Variants in STON2 observed in about 807,000 individuals in gnomAD.
The protein encoded by STON2 is stonin-2.
Under a neutral mutation model 65.7 loss-of-function variants are expected in STON2, and 29 were observed. That is an observed-to-expected ratio of 0.44 (90% CI 0.33 to 0.60). STON2 has a LOEUF of 0.60. Among genes scored for constraint, STON2 ranks in the 20% least tolerant of loss-of-function variants. The pLI is 0.03. For synonymous variants in STON2, 404 were observed against 414.2 expected (o/e 0.98, Z 0.30); for missense variants, 1,054 against 1,118.1 (o/e 0.94, Z 0.82).
chr14:81,334,133 A>C (rs1897296457), intron 4 of STON2, among the ~76,000 whole-genome samples: 1 of 152,248 alleles, frequency 6.6e-6, no homozygotes, highest in African/African-American at 2.4e-5. Flanking sequence ...CTGAAAGGCC[A>C]GGTAAGATTT....
At chr14:81,282,839 G>A (rs1264381635) in intron 5 of STON2, among the ~76,000 whole-genome samples, 1 of 152,170 alleles carries the variant, frequency 6.6e-6, no homozygotes, top group Non-Finnish European at 1.5e-5. Flanking sequence ...AGACAATTAT[G>A]ACTGGTGTGG....
rs1894129567 is a variant in STON2 at position 81,261,230 on chromosome 14, TTGC to T, written c.*7181_*7183del. The stretch of plus-strand genomic sequence containing the variant: ...ATGCTCTGGTAGAATACCACTGGGG[TTGC>T]TGATCCAAAGCACATGGAGGCGCAA... On this transcript the variant is annotated 3_prime_UTR_variant, in exon 8 of 8. Coordinates refer to ENST00000614646, the MANE Select transcript of STON2 (RefSeq NM_001394390.1). 1 of 152,162 alleles carries T rather than the reference TTGC, an allele frequency of 6.6e-6. No individual in the cohort carries two copies. The highest frequency in any genetic ancestry group is 2.4e-5 in the African/African-American group (1 of 41,416). 9.4% of individuals were successfully genotyped at this position (152,162 alleles called of 1,614,324 possible).
chr14:81,274,930 C>CA (rs773063603), intron 6 of STON2, among the ~76,000 whole-genome samples: 27 of 151,884 alleles, frequency 1.8e-4, no homozygotes, highest in African/African-American at 6.3e-4. Flanking sequence ...CAAACAAACA[C>CA]AAAAAAACAA....
chr14:81,269,659 T>G, intron 7 of STON2: 1 of 985,252 alleles, frequency 1.0e-6, no homozygotes, highest in Non-Finnish European at 1.2e-6. Context: ...CCCACACAGC[T>G]AAGGAAACAT....
At chr14:81,295,300 G>GGGCT (rs1471896840) in intron 5 of STON2, among the ~76,000 whole-genome samples, 1 of 152,084 alleles carries the variant, frequency 6.6e-6, no homozygotes, top group Non-Finnish European at 1.5e-5. Context: ...ACTCCAGCCT[G>GGGCT]GGCTACACAG....
intron 4 of STON2, among the ~76,000 whole-genome samples, chr14:81,349,840 T>C (rs115023065): frequency 0.031 from 4,661 of 152,104 alleles, 264 homozygotes; most frequent in African/African-American, 0.11. Context: ...TGTCCACCAA[T>C]GGATGAACAG....
intron 5 of STON2, among the ~76,000 whole-genome samples, chr14:81,310,096 A>G (rs1348907907): frequency 6.6e-6 from 1 of 152,206 alleles, no homozygotes; most frequent in Non-Finnish European, 1.5e-5. Flanking sequence ...TCTTGTCTTT[A>G]AAACCCTAAA....
intron 5 of STON2, among the ~76,000 whole-genome samples, chr14:81,293,480 G>A (rs1335033003): frequency 6.6e-6 from 1 of 151,988 alleles, no homozygotes; most frequent in Non-Finnish European, 1.5e-5. Context: ...CTGGTGACTT[G>A]AGTCTTAAAG....
chr14:81,381,929 AC>A (rs1899540547), intron 3 of STON2, among the ~76,000 whole-genome samples: 1 of 151,984 alleles, frequency 6.6e-6, no homozygotes, highest in Non-Finnish European at 1.5e-5. Flanking sequence ...CTTAGAAACA[AC>A]CCAAATGGGC....
intron 3 of STON2, among the ~76,000 whole-genome samples, chr14:81,382,426 C>T (rs72703748): frequency 0.019 from 2,880 of 151,502 alleles, 47 homozygotes; most frequent in Middle Eastern, 0.027. Context: ...CAGTATTATT[C>T]CATATATATA....
chr14:81,311,691 G>A (rs1879341298), intron 5 of STON2, among the ~76,000 whole-genome samples: 1 of 152,302 alleles, frequency 6.6e-6, no homozygotes, highest in African/African-American at 2.4e-5. Context: ...AAAAGAAAGG[G>A]ATTTGCTTTA....
intron 5 of STON2, among the ~76,000 whole-genome samples, chr14:81,279,245 G>C (rs886848917): frequency 3.7e-4 from 56 of 152,218 alleles, no homozygotes; most frequent in African/African-American, 1.3e-3. Context: ...AAGACAAACA[G>C]TTAACCTTCT....
At chr14:81,424,173 G>A (rs750058072) in intron 2 of STON2, among the ~76,000 whole-genome samples, 1 of 152,136 alleles carries the variant, frequency 6.6e-6, no homozygotes, top group Non-Finnish European at 1.5e-5. Context: ...ATCAGGCACG[G>A]TGGCTCATGC....
At chr14:81,387,210 T>C (rs1274127671) in intron 3 of STON2, among the ~76,000 whole-genome samples, 1 of 152,050 alleles carries the variant, frequency 6.6e-6, no homozygotes, top group East Asian at 1.9e-4. Flanking sequence ...TTTTGTAGAA[T>C]ATCTATGCAT....
In STON2 at chr14:81,385,319, C is replaced by T. The variant is rs369447101; in HGVS notation, c.373+10575G>A. ...TTTTTAAGAACACTTCACCATCCTCCGTGGCATGATGACACTTTTAAATAC... is the reference window on the plus strand; with the variant it reads ...TTTTTAAGAACACTTCACCATCCTCTGTGGCATGATGACACTTTTAAATAC... On this transcript the variant is annotated intron_variant, in intron 3 of 7. Coordinates refer to ENST00000614646, the MANE Select transcript of STON2 (RefSeq NM_001394390.1). Among the ~76,000 whole-genome samples, 23 of 152,298 alleles carry T rather than the reference C, an allele frequency of 1.5e-4. No individual in the cohort carries two copies. In the South Asian group the frequency reaches 4.4e-3, roughly 29 times the overall value.
In STON2 at chr14:81,265,613, C is replaced by T. The variant is rs1006476630; in HGVS notation, c.*2801G>A. ...TGAGCCGAGATCACGCCATTGCACT[C>T]CAGCCTGGGCGACAAGAGCGAAACT... On this transcript the variant is annotated 3_prime_UTR_variant, in exon 8 of 8. Transcript: ENST00000614646. 2.1e-6 allele frequency: 1 copy of T among 469,280 alleles called. No homozygotes were observed. The highest frequency in any genetic ancestry group is 2.8e-6 in the Non-Finnish European group (1 of 360,130). 29.1% of individuals were successfully genotyped at this position (469,280 alleles called of 1,614,324 possible).
chr14:81,322,351 G>A (rs1175860012), intron 5 of STON2, among the ~76,000 whole-genome samples: 2 of 151,818 alleles, frequency 1.3e-5, no homozygotes, highest in Non-Finnish European at 2.9e-5. Context: ...GCTTCTATTT[G>A]TTTTTTAATC....
intron 4 of STON2, among the ~76,000 whole-genome samples, chr14:81,341,446 GT>G (rs748642462): frequency 2.6e-5 from 3 of 115,732 alleles, no homozygotes; most frequent in East Asian, 2.5e-4. Context: ...TTTTATAAGT[GT>G]TTTTTTTTTG....
chr14:81,268,424 C>G lies in STON2; in HGVS notation c.2858G>C (p.Gly953Ala), dbSNP rs1320592962. 1 of 1,289,606 alleles carries G rather than the reference C, an allele frequency of 7.8e-7. No homozygotes were observed. Among genetic ancestry groups the G allele is most frequent in the Non-Finnish European group, 1.0e-6 (1 of 988,712 alleles). 79.9% of individuals were successfully genotyped at this position (1,289,606 alleles called of 1,614,324 possible). A position where few individuals can be genotyped will look rare whatever the true frequency, so the allele number is the denominator to read the frequency against. Residue 953 changes from glycine to alanine, a missense_variant, in exon 8 of 8, where the codon GGA (glycine) becomes GCA (alanine). Gly to Ala is a moderately conservative substitution (Grantham distance 60). Transcript: ENST00000614646. Reference protein sequence around the residue: ...GDEMENPKECGVQ With the variant: ...GDEMENPKECAVQ ...TGCCGCAAGGCTTTGTCACTGCACT[C>G]CACACTCCTTGGGATTTTCCATTTC...
Sources: allele counts gnomAD v4.1 joint callset (sites outside exome capture counted in the v4.1 genomes callset), GRCh38; gene constraint gnomAD v4.1.1; transcripts MANE v1.5; gene names NCBI Gene and HGNC (gene_info 2026-07-23, HGNC 2026-07-21).